Variants in PAPPA2 observed in about 807,000 individuals in gnomAD.
PAPPA2 encodes the protein pappalysin-2.
PAPPA2 carries 86 observed loss-of-function variants against 176.4 expected under a neutral mutation model. The ratio of observed to expected loss-of-function variants is 0.49; its 90% CI spans 0.41 to 0.58. The LOEUF (loss-of-function observed/expected upper bound fraction) is 0.58, where lower values mean the gene tolerates loss of function less well. Ranked by LOEUF, PAPPA2 falls within the 20% of genes least tolerant of loss-of-function variation. PAPPA2 has a pLI of 0.00. For synonymous variants in PAPPA2, 809 were observed against 852.2 expected (o/e 0.95, Z 0.88); for missense variants, 2,073 against 2,256.9 (o/e 0.92, Z 1.65).
intron 21 of PAPPA2, among the ~76,000 whole-genome samples, chr1:176,820,418 T>C (rs998521365): frequency 6.6e-6 from 1 of 152,140 alleles, no homozygotes; most frequent in Non-Finnish European, 1.5e-5. Context: ...TGGCTGGAGA[T>C]CTAACCCATG....
intron 3 of PAPPA2, among the ~76,000 whole-genome samples, chr1:176,646,289 G>A (rs10913230): frequency 0.25 from 37,768 of 150,918 alleles, 4,870 homozygotes; most frequent in South Asian, 0.33. Context: ...TGGGTACATA[G>A]TAGGTGTATA....
At chr1:176,487,168 C>G (rs1277375051) in intron 1 of PAPPA2, among the ~76,000 whole-genome samples, 2 of 150,364 alleles carry the variant, frequency 1.3e-5, no homozygotes, top group Admixed American at 1.3e-4. Context: ...TAAGAATCAG[C>G]AAAATAAGCA....
intron 12 of PAPPA2, among the ~76,000 whole-genome samples, chr1:176,720,613 A>G (rs1215570368): frequency 6.6e-6 from 1 of 152,148 alleles, no homozygotes; most frequent in East Asian, 1.9e-4. Context: ...AGGGTTCTCC[A>G]GAGAGAAACA....
At chr1:176,727,534 A>G (rs1033137966) in intron 12 of PAPPA2, among the ~76,000 whole-genome samples, 1 of 152,114 alleles carries the variant, frequency 6.6e-6, no homozygotes, top group Non-Finnish European at 1.5e-5. Context: ...AAATTGAAGC[A>G]CTTAAGAACA....
intron 14 of PAPPA2, among the ~76,000 whole-genome samples, chr1:176,743,889 T>C (rs1204810212): frequency 6.6e-6 from 1 of 152,236 alleles, no homozygotes; most frequent in Non-Finnish European, 1.5e-5. Flanking sequence ...ATAAGATCTA[T>C]GAGTGCTGAA....
At chr1:176,689,150 G>A (rs1659980951) in intron 4 of PAPPA2, among the ~76,000 whole-genome samples, 1 of 152,154 alleles carries the variant, frequency 6.6e-6, no homozygotes. Flanking sequence ...GATAAGACTG[G>A]GCCTGGCCCT....
At chr1:176,804,173 C>T (rs900863327) in intron 21 of PAPPA2, among the ~76,000 whole-genome samples, 1 of 152,162 alleles carries the variant, frequency 6.6e-6, no homozygotes, top group Non-Finnish European at 1.5e-5. Context: ...TAAATCTTAT[C>T]TATTTCATTA....
chr1:176,512,461 A>G (rs1648664594), intron 1 of PAPPA2, among the ~76,000 whole-genome samples: 1 of 152,190 alleles, frequency 6.6e-6, no homozygotes, highest in African/African-American at 2.4e-5. Context: ...GCATTATGCC[A>G]AGTAAAAGAA....
chr1:176,721,884 C>CT (rs922753760), intron 12 of PAPPA2, among the ~76,000 whole-genome samples: 8 of 151,760 alleles, frequency 5.3e-5, no homozygotes, highest in East Asian at 1.9e-4. Context: ...TACATTACAC[C>CT]TTTTTTTGTG....
At chr1:176,831,674 C>A (rs1667085408) in intron 21 of PAPPA2, among the ~76,000 whole-genome samples, 1 of 152,128 alleles carries the variant, frequency 6.6e-6, no homozygotes, top group Admixed American at 6.5e-5. Context: ...GACTTTGAGT[C>A]TTTATTTGCA....
At chr1:176,802,937 G>A (rs1417970212) in intron 21 of PAPPA2, among the ~76,000 whole-genome samples, 1 of 152,056 alleles carries the variant, frequency 6.6e-6, no homozygotes, top group Non-Finnish European at 1.5e-5. Flanking sequence ...CTTATGTTAG[G>A]TCATAAGCCA....
intron 1 of PAPPA2, among the ~76,000 whole-genome samples, chr1:176,516,860 C>T (rs1648941606): frequency 1.3e-5 from 2 of 152,282 alleles, no homozygotes; most frequent in South Asian, 4.2e-4. Context: ...TCTCAAAGAT[C>T]CTATGTAGGT....
rs181083313 is a variant in PAPPA2 at position 176,678,885 on chromosome 1, A to T, written c.2137+7770A>T. Among the ~76,000 whole-genome samples, 101 of 152,282 alleles carry T rather than the reference A, an allele frequency of 6.6e-4. 1 individual carries two copies. In the East Asian group the frequency reaches 0.018, roughly 26 times the overall value. On this transcript the variant is annotated intron_variant, in intron 4 of 22. Transcript: ENST00000367662. The stretch of plus-strand genomic sequence containing the variant: ...TTAAAAATGTAAAATAAACTAAAAA[A>T]ATATATACAGAATGTATCTTGAAAG...
At chr1:176,782,116 T>C (rs1215037504) in intron 17 of PAPPA2, among the ~76,000 whole-genome samples, 1 of 152,196 alleles carries the variant, frequency 6.6e-6, no homozygotes, top group Non-Finnish European at 1.5e-5. Flanking sequence ...TTCCATTTTA[T>C]AATATAGGCA....
intron 3 of PAPPA2, among the ~76,000 whole-genome samples, chr1:176,668,879 T>A (rs1195828548): frequency 6.6e-6 from 1 of 152,154 alleles, no homozygotes; most frequent in Non-Finnish European, 1.5e-5. Context: ...AATACTGTCA[T>A]CTGGAAGGGT....
intron 6 of PAPPA2, among the ~76,000 whole-genome samples, chr1:176,694,223 G>A (rs1395377749): frequency 6.6e-6 from 1 of 152,190 alleles, no homozygotes; most frequent in Non-Finnish European, 1.5e-5. Context: ...AATGAGCTTT[G>A]GAGTTTTGTT....
At chr1:176,792,925 A>G (rs1392932556) in intron 19 of PAPPA2, among the ~76,000 whole-genome samples, 1 of 152,184 alleles carries the variant, frequency 6.6e-6, no homozygotes, top group Non-Finnish European at 1.5e-5. Context: ...AGAGACCAAC[A>G]CATGCCCAAA....
At chr1:176,609,604 A>C (rs916253609) in intron 3 of PAPPA2, among the ~76,000 whole-genome samples, 3 of 152,204 alleles carry the variant, frequency 2.0e-5, no homozygotes, top group Non-Finnish European at 4.4e-5. Context: ...GGGAACAGGA[A>C]GGAGCTAGCA....
chr1:176,612,580 G>A (rs539681445), intron 3 of PAPPA2, among the ~76,000 whole-genome samples: 1 of 152,186 alleles, frequency 6.6e-6, no homozygotes, highest in South Asian at 2.1e-4. Flanking sequence ...TTGTTTACTC[G>A]ATTTACAAGA....
Sources: allele counts gnomAD v4.1 joint callset (sites outside exome capture counted in the v4.1 genomes callset), GRCh38; gene constraint gnomAD v4.1.1; transcripts MANE v1.5; gene names NCBI Gene and HGNC (gene_info 2026-07-23, HGNC 2026-07-21).